The following TCF25 variants were observed in gnomAD, a reference collection of about 807,000 sequenced individuals.
TCF25 encodes ribosome quality control complex subunit TCF25.
Under a neutral mutation model 83.1 loss-of-function variants are expected in TCF25, and 41 were observed. The ratio of observed to expected loss-of-function variants is 0.49; its 90% CI spans 0.38 to 0.64. The LOEUF (loss-of-function observed/expected upper bound fraction) is 0.64, where lower values mean the gene tolerates loss of function less well. Ranked by LOEUF, TCF25 falls within the 30% of genes least tolerant of loss-of-function variation. The probability of loss-of-function intolerance (pLI) is 0.00; values close to 1 mark genes in which losing one functional copy is unlikely to be tolerated. For missense variants in TCF25, 979 were observed against 914.5 expected, an observed-to-expected ratio of 1.07 and a Z score of -0.91; for synonymous variants, 458 against 365.0, an observed-to-expected ratio of 1.25 and a Z score of -2.90.
chr16:89,888,798 C>T lies in TCF25; in HGVS notation c.614+1081C>T, dbSNP rs543865828. Among the ~76,000 whole-genome samples, 65 of 150,176 alleles carry T rather than the reference C, an allele frequency of 4.3e-4. 1 individual carries two copies. The highest frequency in any genetic ancestry group is 1.5e-3 in the African/African-American group (61 of 40,948). ...TTCAGGCAATTCTGCCTCAGCCTCC[C>T]GAGTAGCTGGGATTGCAGGTGCACG... On this transcript the variant is annotated intron_variant, in intron 5 of 17. Coordinates refer to ENST00000263346, the MANE Select transcript of TCF25 (RefSeq NM_014972.3).
intron 2 of TCF25, among the ~76,000 whole-genome samples, chr16:89,884,329 C>T (rs1229064535): frequency 1.3e-5 from 2 of 152,098 alleles, no homozygotes; most frequent in African/African-American, 4.8e-5. Flanking sequence ...GAGAGCTGGA[C>T]CTGGTCAGGG....
At chr16:89,910,486 C>T in intron 16 of TCF25, 105 bp from the exon 17 acceptor site, 5 of 1,198,332 alleles carry the variant, frequency 4.2e-6, no homozygotes, top group South Asian at 2.6e-5. Context: ...GCGGCCCCTC[C>T]GTGTCCCTGC....
At position 89,904,191 on chromosome 16, in the gene TCF25, C is replaced by T. The variant is rs375967862; in HGVS notation, c.1455C>T (p.Pro485=). 7 of 1,582,440 alleles carry T rather than the reference C, an allele frequency of 4.4e-6. No homozygotes were observed. In the African/African-American group the frequency reaches 9.4e-5, roughly 21 times the overall value. ...TTTCCAGTCACCGCTTCTTTGGACC[C>T]AATGCTGAAATAAGGTAAAGAGTGG... ...ASVSSHRFFG[P]NAEISQPPAL... is the part of the protein sequence containing the mutation. The change falls in exon 13 of 18, where the codon CCC becomes CCT. Residue 485 remains proline (P), a synonymous_variant. Coordinates refer to ENST00000263346, the MANE Select transcript of TCF25 (RefSeq NM_014972.3).
chr16:89,885,063 G>T (rs556379913), intron 3 of TCF25, among the ~76,000 whole-genome samples: 1 of 84,828 alleles, frequency 1.2e-5, no homozygotes, highest in Non-Finnish European at 2.3e-5. Flanking sequence ...TCTGCCTGAC[G>T]CCCTCTCCCT....
intron 5 of TCF25, among the ~76,000 whole-genome samples, chr16:89,888,668 T>C (rs1476973497): frequency 6.7e-6 from 1 of 149,370 alleles, no homozygotes; most frequent in African/African-American, 2.5e-5. Context: ...AGTTTCTTTC[T>C]CTCTTTCTTT....
At chr16:89,883,280 C>T in intron 1 of TCF25, 71 bp from the exon 2 acceptor site, 1 of 1,568,276 alleles carries the variant, frequency 6.4e-7, no homozygotes, top group Non-Finnish European at 8.7e-7. Context: ...TCACATCTCA[C>T]TATTCATATC....
At chr16:89,895,852 T>C (rs933259180) in intron 8 of TCF25, 138 bp from the exon 9 acceptor site, 2 of 697,198 alleles carry the variant, frequency 2.9e-6, no homozygotes, top group South Asian at 1.9e-5. Flanking sequence ...CCCAGGGGCA[T>C]GTCTGCCCTC....
At chr16:89,890,759 A>G (rs1360376095) in intron 5 of TCF25, 1 of 152,086 alleles carries the variant, frequency 6.6e-6, no homozygotes, top group Non-Finnish European at 1.5e-5. Context: ...AATTATAATT[A>G]TTAATAGTAA....
chr16:89,907,231 C>T lies in TCF25; in HGVS notation c.1720-12C>T. 1.2e-6 allele frequency: 2 copies of T among 1,612,554 alleles called. No homozygotes were observed. Among genetic ancestry groups the T allele is most frequent in the Non-Finnish European group, 1.7e-6 (2 of 1,179,200 alleles). On this transcript the variant is annotated splice_polypyrimidine_tract_variant and intron_variant, in intron 15 of 17. Transcript: ENST00000263346. ...CATCTGTAGCATCTTCGTTTTATGT[C>T]CCTTTCTGAAGGACGTGACCACGCA...
At chr16:89,877,296 T>A (rs1367211997) in intron 1 of TCF25, among the ~76,000 whole-genome samples, 1 of 152,094 alleles carries the variant, frequency 6.6e-6, no homozygotes, top group South Asian at 2.1e-4. Flanking sequence ...CTTGAACTCC[T>A]GGGCTCAAAC....
At chr16:89,873,949 G>T in intron 1 of TCF25, 90 bp downstream of exon 1, 1 of 1,404,442 alleles carries the variant, frequency 7.1e-7, no homozygotes, top group Non-Finnish European at 9.3e-7. Flanking sequence ...GAGCGGGGTT[G>T]TGATGCCAGG....
rs371135929 is a variant in TCF25, at chr16:89,895,977, C to T, written c.929-13C>T. ...GGCCATGACACCCTCCCCTGGCGTC[C>T]CTGTGCCCACAGAGAGAGCGCTGTA... is the stretch of plus-strand genomic sequence containing the variant. On this transcript the variant is annotated splice_polypyrimidine_tract_variant and intron_variant, in intron 8 of 17. Transcript: ENST00000263346. The T allele has an allele frequency of 9.3e-6, 15 of 1,612,294 alleles. No individual in the cohort carries two copies. The highest frequency in any genetic ancestry group is 1.2e-5 in the Non-Finnish European group (14 of 1,178,850).
In TCF25 at chr16:89,896,077, A is replaced by G. The variant is rs892493207; in HGVS notation, c.1016A>G (p.Glu339Gly). Residue 339 changes from glutamate (E) to glycine (G), a missense_variant, in exon 9 of 18, where the codon GAG becomes GGG. By Grantham distance (98) the Glu-to-Gly change is moderately conservative (BLOSUM62 -2). Transcript: ENST00000263346. ...TGCCGGCTGGATTACCGCAGACCCG[A>G]GAACAGGTGAGTGCAGCTGCCCTGG... is the stretch of plus-strand genomic sequence containing the variant. Reference protein sequence around the residue: ...GACRLDYRRPENRSFYLALYK... With the variant: ...GACRLDYRRPGNRSFYLALYK... 4 of 1,613,326 alleles carry G rather than the reference A, an allele frequency of 2.5e-6. No individual in the cohort carries two copies. Among genetic ancestry groups the G allele is most frequent in the Non-Finnish European group, 3.4e-6 (4 of 1,179,912 alleles).
intron 1 of TCF25, among the ~76,000 whole-genome samples, chr16:89,879,438 TCA>T (rs1359711680): frequency 7.3e-6 from 1 of 136,348 alleles, no homozygotes; most frequent in East Asian, 2.2e-4. Context: ...TCGGGGCCTG[TCA>T]CACGTGTTGT....
intron 6 of TCF25, among the ~76,000 whole-genome samples, chr16:89,893,342 A>G (rs2043575402): frequency 6.6e-6 from 1 of 152,168 alleles, no homozygotes; most frequent in African/African-American, 2.4e-5. Context: ...CTGTCCTTCC[A>G]CAGCCACCCC....
intron 12 of TCF25, among the ~76,000 whole-genome samples, chr16:89,902,617 A>T (rs1194943436): frequency 6.8e-6 from 1 of 146,866 alleles, no homozygotes; most frequent in Non-Finnish European, 1.5e-5. Flanking sequence ...TGAACCCAGG[A>T]GGCAGAGCTT....
chr16:89,903,447 G>C (rs1042181961), intron 12 of TCF25, among the ~76,000 whole-genome samples: 1 of 152,200 alleles, frequency 6.6e-6, no homozygotes, highest in Non-Finnish European at 1.5e-5. Flanking sequence ...GAGGCAGGAG[G>C]ATCGCTTGAG....
intron 9 of TCF25, 73 bp downstream of exon 9, chr16:89,896,156 G>A (rs2043833693): frequency 7.0e-6 from 10 of 1,422,988 alleles, no homozygotes; most frequent in South Asian, 1.2e-5. Context: ...GGGAGGTGCA[G>A]TGGGCACCTC....
chr16:89,907,973 C>T (rs1471907130), intron 16 of TCF25, among the ~76,000 whole-genome samples: 3 of 142,210 alleles, frequency 2.1e-5, no homozygotes, highest in African/African-American at 8.2e-5. Flanking sequence ...GCCTAGCTCC[C>T]ACCTCCCAGC....
Sources: gnomAD v4.1 joint callset for allele counts (sites outside exome capture counted in the v4.1 genomes callset) on GRCh38, gnomAD v4.1.1 for gene constraint, MANE v1.5 for transcripts, NCBI Gene and HGNC (gene_info 2026-07-23, HGNC 2026-07-21) for gene names.